CEMIP2: variants seen among roughly 807,000 people sequenced by gnomAD.
CEMIP2 encodes cell surface hyaluronidase CEMIP2.
A neutral mutation model predicts 146.9 loss-of-function variants in CEMIP2; 79 were observed. The ratio of observed to expected loss-of-function variants is 0.54; its 90% confidence interval spans 0.45 to 0.65. CEMIP2 has a LOEUF of 0.65. CEMIP2 is among the 30% of genes least tolerant of loss of function. The pLI, the probability that CEMIP2 is intolerant of heterozygous loss-of-function variation, is 0.00. For synonymous variants in CEMIP2, 601 were observed against 606.3 expected (o/e 0.99, Z 0.13); for missense variants, 1,596 against 1,696.2 (o/e 0.94, Z 1.04).
intron 5 of CEMIP2, among the ~76,000 whole-genome samples, chr9:71,738,522 A>AC (rs1228905352): frequency 2.0e-5 from 3 of 151,828 alleles, no homozygotes; most frequent in East Asian, 3.9e-4. Flanking sequence ...CTCAAAAAAA[A>AC]ACAAAAATTC....
intron 5 of CEMIP2, among the ~76,000 whole-genome samples, chr9:71,738,022 AG>A (rs1296239082): frequency 3.3e-5 from 5 of 152,164 alleles, no homozygotes; most frequent in Non-Finnish European, 7.3e-5. Flanking sequence ...AATATGGTAG[AG>A]CCCCCAATTT....
intron 5 of CEMIP2, among the ~76,000 whole-genome samples, chr9:71,735,425 C>T (rs1823735695): frequency 6.6e-6 from 1 of 152,106 alleles, no homozygotes; most frequent in Non-Finnish European, 1.5e-5. Flanking sequence ...ATACCCAGTG[C>T]TTCAAGTTGA....
chr9:71,712,799 T>G (rs1440097299), intron 15 of CEMIP2, among the ~76,000 whole-genome samples: 1 of 152,212 alleles, frequency 6.6e-6, no homozygotes, highest in Non-Finnish European at 1.5e-5. Flanking sequence ...ACTGAGAATT[T>G]TGTTTTATTC....
At chr9:71,726,566 G>A (rs1165990630) in intron 10 of CEMIP2, among the ~76,000 whole-genome samples, 1 of 152,102 alleles carries the variant, frequency 6.6e-6, no homozygotes, top group African/African-American at 2.4e-5. Flanking sequence ...ATAATTCATA[G>A]TCTAATAAGA....
In CEMIP2 at chr9:71,709,368, C is replaced by T. The variant is rs1404816075; in HGVS notation, c.2876G>A (p.Gly959Glu). The stretch of plus-strand genomic sequence containing the variant: ...TCTTCCCACATAAGCATCCTTGTAT[C>T]CTGTCACAGAGCCATCAATGTCATG... ...IFHDIDGSVT[G>E]YKDAYVGRMD... Residue 959 changes from glycine (G) to glutamate (E), a missense_variant, in exon 17 of 24, where the codon GGA (glycine) becomes GAA (glutamate). Coordinates refer to ENST00000377044, the MANE Select transcript of CEMIP2 (RefSeq NM_013390.3). 5.0e-6 allele frequency: 8 copies of T among 1,614,022 alleles called. No homozygotes were observed. Among genetic ancestry groups the T allele is most frequent in the Non-Finnish European group, 6.8e-6 (8 of 1,180,024 alleles).
At position 71,750,186 on chromosome 9, in the gene CEMIP2, G is replaced by A. The variant is rs777163607; in HGVS notation, c.188C>T (p.Ser63Leu). The A allele has an allele frequency of 3.1e-6, 5 of 1,614,176 alleles. No homozygotes were observed. The highest frequency in any genetic ancestry group is 3.3e-5 in the Admixed American group (2 of 60,030). The change falls in exon 2 of 24, where the codon TCA (serine) becomes TTA (leucine). Residue 63 changes from serine to leucine, a missense_variant. By Grantham distance (145) the Ser-to-Leu change is moderately radical. Transcript: ENST00000377044. ...TCTCTGGGCTTGCTGTTCTTCAGGT[G>A]AGAATGCGAAGGTTGCCCGGTCTTC... Reference protein sequence around the residue: ...RREDRATFAFSPEEQQAQRES... With the variant: ...RREDRATFAFLPEEQQAQRES...
intron 12 of CEMIP2, among the ~76,000 whole-genome samples, chr9:71,720,528 G>A (rs1823204327): frequency 6.6e-6 from 1 of 152,150 alleles, no homozygotes; most frequent in Non-Finnish European, 1.5e-5. Flanking sequence ...CTGATCTCAG[G>A]TGATCCACCC....
chr9:71,756,490 TCTCTCTCTCTCTCTCTCACA>T (rs1824458726), intron 1 of CEMIP2, among the ~76,000 whole-genome samples: 1 of 135,708 alleles, frequency 7.4e-6, no homozygotes, highest in Non-Finnish European at 1.6e-5. Context: ...TCTCTCTCTC[TCTCTCTCTCTCTCTCTCACA>T]CACACACACA....
At chr9:71,708,967 G>C (rs1822829919) in intron 17 of CEMIP2, among the ~76,000 whole-genome samples, 1 of 152,136 alleles carries the variant, frequency 6.6e-6, no homozygotes, top group African/African-American at 2.4e-5. Flanking sequence ...ATGGGTTCTT[G>C]TCCCAACTAC....
intron 1 of CEMIP2, 34 bp from the exon 2 acceptor site, chr9:71,750,419 G>A (rs759764845): frequency 5.0e-6 from 7 of 1,405,782 alleles, no homozygotes; most frequent in Non-Finnish European, 5.8e-6. Context: ...GCTTCAGTAT[G>A]TGTAAATTCT....
chr9:71,714,912 C>A, intron 15 of CEMIP2, 22 bp downstream of exon 15: 1 of 1,607,784 alleles, frequency 6.2e-7, no homozygotes, highest in South Asian at 1.1e-5. Context: ...ATTTAACACT[C>A]CACAGCTAAA....
At chr9:71,712,699 C>T (rs759486143) in intron 15 of CEMIP2, among the ~76,000 whole-genome samples, 6 of 152,128 alleles carry the variant, frequency 3.9e-5, no homozygotes, top group Non-Finnish European at 5.9e-5. Context: ...CCTCTCAAGC[C>T]ACTAAATGAT....
chr9:71,739,652 A>G (rs1454340980), intron 5 of CEMIP2, among the ~76,000 whole-genome samples: 1 of 152,122 alleles, frequency 6.6e-6, no homozygotes, highest in Admixed American at 6.5e-5. Flanking sequence ...CCCCCAACTC[A>G]GCTTTGTTCT....
chr9:71,738,853 T>C (rs1441946387), intron 5 of CEMIP2, among the ~76,000 whole-genome samples: 1 of 151,590 alleles, frequency 6.6e-6, no homozygotes, highest in African/African-American at 2.4e-5. Context: ...AAAAGATGAC[T>C]ACTAGACAAA....
intron 18 of CEMIP2, among the ~76,000 whole-genome samples, chr9:71,701,177 C>T (rs1822550326): frequency 6.6e-6 from 1 of 152,180 alleles, no homozygotes; most frequent in Non-Finnish European, 1.5e-5. Context: ...GCGATCTCAG[C>T]TCACTGTGAC....
chr9:71,749,168 ATCTCC>A (rs926233429), intron 2 of CEMIP2, among the ~76,000 whole-genome samples: 14 of 152,178 alleles, frequency 9.2e-5, no homozygotes, highest in African/African-American at 3.4e-4. Context: ...AGAAATTAAA[ATCTCC>A]CTGCATAATA....
intron 2 of CEMIP2, among the ~76,000 whole-genome samples, chr9:71,749,535 G>A (rs529140484): frequency 2.0e-5 from 3 of 151,916 alleles, no homozygotes; most frequent in African/African-American, 7.2e-5. Context: ...GTGAAACCCT[G>A]TCTCTACTAA....
chr9:71,767,786 C>T (rs1698628490), intron 1 of CEMIP2, among the ~76,000 whole-genome samples: 2 of 152,328 alleles, frequency 1.3e-5, no homozygotes, highest in East Asian at 1.9e-4. Flanking sequence ...ATTTTAAAGC[C>T]TCACCTTACC....
intron 7 of CEMIP2, among the ~76,000 whole-genome samples, chr9:71,731,731 C>CAA (rs35175440): frequency 0.16 from 21,951 of 138,328 alleles, 1,826 homozygotes; most frequent in African/African-American, 0.2. Context: ...GACTGTATCT[C>CAA]AAAAAAAAAA....
Sources: allele counts gnomAD v4.1 joint callset (sites outside exome capture counted in the v4.1 genomes callset), GRCh38; gene constraint gnomAD v4.1.1; transcripts MANE v1.5; gene names NCBI Gene and HGNC (gene_info 2026-07-23, HGNC 2026-07-21).